The following DPYSL5 variants were observed in gnomAD, a reference collection of about 807,000 sequenced individuals.
The protein encoded by DPYSL5 is dihydropyrimidinase like 5.
A neutral mutation model predicts 58.4 loss-of-function variants in DPYSL5; 9 were observed. The observed-to-expected ratio is 0.15, with a 90% CI of 0.09 to 0.27. The LOEUF (loss-of-function observed/expected upper bound fraction) is 0.27. Among genes scored for constraint, DPYSL5 ranks in the 10% least tolerant of loss-of-function variants. The pLI is 1.00. For synonymous variants in DPYSL5, 293 were observed against 301.9 expected (o/e 0.97, Z 0.31); for missense variants, 499 against 770.6 (o/e 0.65, Z 4.17).
rs879595476 is a variant in DPYSL5 at position 26,898,148 on chromosome 2, C to G, written c.-4-348C>G. ...TTCAGCTTTCTCATCTGTAAAATGC[C>G]TTGGGTTGTTTTGGGGATAGTAGAG... On this transcript the variant is annotated intron_variant, in intron 1 of 12. Coordinates refer to ENST00000288699, the MANE Select transcript of DPYSL5 (RefSeq NM_020134.4). The surrounding 1 kb of genome is among the most constrained non-coding windows in gnomAD (Gnocchi z 6.1). Among the ~76,000 whole-genome samples the G allele has an allele frequency of 3.3e-5, 5 of 151,990 alleles. No homozygotes were observed. The East Asian group carries it at 9.6e-4, about 29-fold the overall frequency.
At chr2:26,931,762 C>T in intron 6 of DPYSL5, 78 bp downstream of exon 6, 2 of 1,516,054 alleles carry the variant, frequency 1.3e-6, no homozygotes, top group Non-Finnish European at 1.8e-6. Flanking sequence ...AATCCCAGCA[C>T]TTTGGGAGGC....
intron 1 of DPYSL5, among the ~76,000 whole-genome samples, chr2:26,889,155 C>T (rs999176061): frequency 6.6e-6 from 1 of 152,132 alleles, no homozygotes; most frequent in African/African-American, 2.4e-5. Context: ...ATGTAGTGAG[C>T]CAGAGGGCCA....
intron 1 of DPYSL5, among the ~76,000 whole-genome samples, chr2:26,865,212 T>C (rs965124105): frequency 1.3e-5 from 2 of 152,100 alleles, no homozygotes; most frequent in African/African-American, 4.8e-5. Flanking sequence ...ACATCCTTCA[T>C]GCTCCAAATA....
intron 2 of DPYSL5, among the ~76,000 whole-genome samples, chr2:26,907,092 A>C (rs896247242): frequency 6.8e-6 from 1 of 148,010 alleles, no homozygotes; most frequent in African/African-American, 2.5e-5. Flanking sequence ...AAAACTCCAC[A>C]TTTACATTTT....
At position 26,934,831 on chromosome 2, in the gene DPYSL5, T is replaced by C. The variant is rs540907204; in HGVS notation, c.947+97T>C. The C allele has an allele frequency of 5.4e-6, 8 of 1,481,902 alleles. No homozygotes were observed. The African/African-American group carries it at 6.9e-5, about 13-fold the overall frequency. The allele number at this position is 1,481,902 out of a possible 1,614,324, so 91.8% of individuals were successfully genotyped here. A position where few individuals can be genotyped will look rare whatever the true frequency, so the allele number is the denominator to read the frequency against. On this transcript the variant is annotated intron_variant, in intron 8 of 12. Transcript: ENST00000288699. The surrounding 1 kb of genome is among the most constrained non-coding windows in gnomAD (Gnocchi z 4.3). ...CAAATCTGAGCTAGGTTTGATTTCA[T>C]TGTGCCCATAGGATCATTGTGCTTT...
At chr2:26,928,229 A>G (rs901193041) in intron 4 of DPYSL5, 26 bp from the exon 5 acceptor site, 19 of 1,612,374 alleles carry the variant, frequency 1.2e-5, no homozygotes, top group Non-Finnish European at 1.6e-5. Context: ...GATTCTCTCC[A>G]TTTTCTTTCT....
At chr2:26,943,406 T>C (rs1336325074) in intron 11 of DPYSL5, among the ~76,000 whole-genome samples, 1 of 152,188 alleles carries the variant, frequency 6.6e-6, no homozygotes, top group Non-Finnish European at 1.5e-5. Context: ...TCAGGGTCTC[T>C]TACTCATCAC....
At chr2:26,876,503 G>C (rs1183980110) in intron 1 of DPYSL5, among the ~76,000 whole-genome samples, 1 of 152,056 alleles carries the variant, frequency 6.6e-6, no homozygotes, top group African/African-American at 2.4e-5. Flanking sequence ...CCAGATTAAT[G>C]GTTTTGGGGT....
rs542294364 is a variant in DPYSL5, at chr2:26,934,147, C to T, written c.791-431C>T. Among the ~76,000 whole-genome samples, 89 of 152,302 alleles carry T rather than the reference C, an allele frequency of 5.8e-4. No homozygotes were observed. Among genetic ancestry groups the T allele is most frequent in the African/African-American group, 2.0e-3 (83 of 41,566 alleles). On this transcript the variant is annotated intron_variant, in intron 7 of 12. Transcript: ENST00000288699. The surrounding 1 kb of genome is among the most constrained non-coding windows in gnomAD (Gnocchi z 4.3). ...TGTCCTCCAGCCCTGCTACGGCCCTCCCTGTCCTACCACAACCGTTCTCTT... is the reference window on the plus strand; with the variant it reads ...TGTCCTCCAGCCCTGCTACGGCCCTTCCTGTCCTACCACAACCGTTCTCTT...
chr2:26,848,560 A>T (rs1665657393), intron 1 of DPYSL5: 2 of 152,106 alleles, frequency 1.3e-5, no homozygotes, highest in Non-Finnish European at 2.9e-5. Flanking sequence ...GGCTCGGCCG[A>T]GGGGTTTCGC....
intron 2 of DPYSL5, among the ~76,000 whole-genome samples, chr2:26,910,616 C>CTTTTTTTTTTTTTTTTTTTTTT (rs34929540): frequency 1.7e-5 from 2 of 118,526 alleles, no homozygotes; most frequent in Non-Finnish European, 3.4e-5. Flanking sequence ...TCTTCTTCTT[C>CTTTTTTTTTTTTTTTTTTTTTT]TTTTTTTTTT....
chr2:26,881,164 T>C (rs1056519123), intron 1 of DPYSL5, among the ~76,000 whole-genome samples: 4 of 152,136 alleles, frequency 2.6e-5, no homozygotes, highest in Non-Finnish European at 5.9e-5. Flanking sequence ...GTGCTCACCC[T>C]GCGGCCCACC....
chr2:26,851,813 C>T (rs1462036376), intron 1 of DPYSL5, among the ~76,000 whole-genome samples: 4 of 152,080 alleles, frequency 2.6e-5, no homozygotes, highest in Non-Finnish European at 2.9e-5. Flanking sequence ...GACGTGGTGG[C>T]GCACACCTGT....
At chr2:26,936,237 G>C (rs371145687) in intron 8 of DPYSL5, among the ~76,000 whole-genome samples, 3 of 152,196 alleles carry the variant, frequency 2.0e-5, no homozygotes, top group African/African-American at 7.2e-5. Context: ...CTGGGGGATG[G>C]GGATTCGCCT....
intron 1 of DPYSL5, among the ~76,000 whole-genome samples, chr2:26,893,074 G>C (rs1256403987): frequency 1.3e-5 from 2 of 152,154 alleles, no homozygotes; most frequent in Non-Finnish European, 2.9e-5. Flanking sequence ...TCTCCCCAGA[G>C]GTCAGAATGA....
chr2:26,936,944 T>TAA (rs1665194434), intron 8 of DPYSL5, among the ~76,000 whole-genome samples: 1 of 3,716 alleles, frequency 2.7e-4, no homozygotes, highest in Non-Finnish European at 2.1e-3. Flanking sequence ...AAGACTTCAT[T>TAA]TAAAAAAAAA....
At chr2:26,907,409 C>A (rs1256795661) in intron 2 of DPYSL5, among the ~76,000 whole-genome samples, 1 of 152,190 alleles carries the variant, frequency 6.6e-6, no homozygotes, top group Non-Finnish European at 1.5e-5. Flanking sequence ...CTACTGCGCC[C>A]AGCCCACATT....
intron 1 of DPYSL5, among the ~76,000 whole-genome samples, chr2:26,863,458 G>A (rs1666066953): frequency 2.0e-5 from 3 of 152,230 alleles, no homozygotes; most frequent in African/African-American, 4.8e-5. Flanking sequence ...AGGAAAAGGA[G>A]CTCATACCCC....
In DPYSL5 at chr2:26,927,803, G is replaced by T. The variant is rs1211926750; in HGVS notation, c.600+371G>T. Among the ~76,000 whole-genome samples, 6 of 152,176 alleles carry T rather than the reference G, an allele frequency of 3.9e-5. No homozygotes were observed. In the East Asian group the frequency reaches 1.2e-3, roughly 29 times the overall value. On this transcript the variant is annotated intron_variant, in intron 4 of 12. Transcript: ENST00000288699. This position sits in a 1 kb window ranked among gnomAD's most constrained non-coding sequence, Gnocchi z 4.3. ...CCGCTTCCCATTTGGCCTCTTCAGAGGATCTGAGACATTAAAGAGATCTAT... is the reference window on the plus strand; with the variant it reads ...CCGCTTCCCATTTGGCCTCTTCAGATGATCTGAGACATTAAAGAGATCTAT...
Sources: gnomAD v4.1 joint callset for allele counts (sites outside exome capture counted in the v4.1 genomes callset) on GRCh38, gnomAD v4.1.1 for gene constraint, Gnocchi (gnomAD v3.1) non-coding constraint, MANE v1.5 for transcripts, NCBI Gene and HGNC (gene_info 2026-07-23, HGNC 2026-07-21) for gene names.